The following SMARCA2 variants were observed in gnomAD, a reference collection of about 807,000 sequenced individuals.
SMARCA2 encodes SWI/SNF related BAF chromatin remodeling complex subunit ATPase 2, also known as SWI/SNF-related matrix-associated actin-dependent regulator of chromatin subfamily A member 2.
Under a neutral mutation model 199.8 loss-of-function variants are expected in SMARCA2, and 61 were observed. The ratio of observed to expected loss-of-function variants is 0.31; its 90% CI spans 0.25 to 0.38. SMARCA2 has a LOEUF of 0.38. Ranked by LOEUF, SMARCA2 falls within the 10% of genes least tolerant of loss-of-function variation. The probability of loss-of-function intolerance (pLI) is 1.00; values close to 1 mark genes in which losing one functional copy is unlikely to be tolerated. For synonymous variants in SMARCA2, 935 were observed against 732.0 expected (o/e 1.28, Z -4.48); for missense variants, 1,344 against 2,012.2 (o/e 0.67, Z 6.35).
At chr9:2,189,500 A>AAATGGACATAT in intron 32 of SMARCA2, among the ~76,000 whole-genome samples, 1 of 152,286 alleles carries the variant, frequency 6.6e-6, no homozygotes, top group Non-Finnish European at 1.5e-5. Context: ...ACACCTGTAT[A>AAATGGACATAT]AATGGACATA....
At chr9:2,188,065 T>C (rs1025028244) in intron 32 of SMARCA2, among the ~76,000 whole-genome samples, 3 of 152,222 alleles carry the variant, frequency 2.0e-5, no homozygotes, top group Admixed American at 6.5e-5. Context: ...GACATGCTTT[T>C]AAAAAATTAT....
rs911174993 is a variant in SMARCA2, at chr9:2,169,854, G to A, written c.4200-565G>A. ...TGGTTTATTTTCATTTCCCACTAAA[G>A]ATCATGAATTCAGTGATCTCTCGAA... On this transcript the variant is annotated intron_variant, in intron 28 of 33. Transcript: ENST00000349721. This position sits in a 1 kb window ranked among gnomAD's most constrained non-coding sequence, Gnocchi z 6.5. Among the ~76,000 whole-genome samples, 4 of 152,174 alleles carry A rather than the reference G, an allele frequency of 2.6e-5. No individual in the cohort carries two copies. Among genetic ancestry groups the A allele is most frequent in the Non-Finnish European group, 5.9e-5 (4 of 68,024 alleles).
rs1256064704 is a variant in SMARCA2, at chr9:2,193,001, A to ATG, written c.*265_*266dup. The ATG allele has an allele frequency of 9.0e-6, 4 of 443,430 alleles. No homozygotes were observed. The highest frequency in any genetic ancestry group is 1.6e-5 in the Non-Finnish European group (4 of 251,316). 27.5% of individuals were successfully genotyped at this position (443,430 alleles called of 1,614,324 possible). On this transcript the variant is annotated 3_prime_UTR_variant, in exon 34 of 34. Coordinates refer to ENST00000349721, the MANE Select transcript of SMARCA2 (RefSeq NM_003070.5). ...AAACAAAAAGCTTTTGATGGAAAAT[A>ATG]TGTGGGTGGATAGTATATTTCTATG...
intron 5 of SMARCA2, chr9:2,047,888 CTATGCAGTGATCCAGCCT>C (rs1819942901): frequency 6.5e-6 from 1 of 153,032 alleles, no homozygotes; most frequent in African/African-American, 2.4e-5. Context: ...TCACGTGTGT[CTATGCAGTGATCCAGCCT>C]TATGGGTATA....
At chr9:2,172,379 C>G (rs1369708109) in intron 29 of SMARCA2, among the ~76,000 whole-genome samples, 1 of 150,704 alleles carries the variant, frequency 6.6e-6, no homozygotes, top group Non-Finnish European at 1.5e-5. Flanking sequence ...GAGAGCGCTT[C>G]TAACTGGCTG....
intron 1 of SMARCA2, 65 bp downstream of exon 1, chr9:2,015,469 C>G (rs902445080): frequency 3.3e-5 from 5 of 152,988 alleles, no homozygotes; most frequent in African/African-American, 9.6e-5. Flanking sequence ...CTGCAGCCGC[C>G]GCTCAGACCC....
chr9:2,157,349 G>C (rs573568350), intron 27 of SMARCA2, among the ~76,000 whole-genome samples: 1 of 152,126 alleles, frequency 6.6e-6, no homozygotes, highest in African/African-American at 2.4e-5. Flanking sequence ...TCCCCAGAAA[G>C]CACCAGTATA....
chr9:2,165,900 A>G (rs922152009), intron 28 of SMARCA2, among the ~76,000 whole-genome samples: 9 of 152,182 alleles, frequency 5.9e-5, no homozygotes, highest in African/African-American at 2.2e-4. Flanking sequence ...ACTTCCCACA[A>G]TACAAGTAAG....
chr9:2,072,508 G>T (rs940729839), intron 10 of SMARCA2, among the ~76,000 whole-genome samples: 2 of 148,150 alleles, frequency 1.3e-5, no homozygotes, highest in South Asian at 4.1e-4. Context: ...TTAGACCCCT[G>T]GGGGGTTAGT....
At chr9:2,137,048 T>C (rs1463033794) in intron 27 of SMARCA2, among the ~76,000 whole-genome samples, 1 of 152,162 alleles carries the variant, frequency 6.6e-6, no homozygotes, top group African/African-American at 2.4e-5. Flanking sequence ...ACTCAAGCCT[T>C]CTTAACACCG....
intron 8 of SMARCA2, among the ~76,000 whole-genome samples, chr9:2,060,613 C>T (rs1586660070): frequency 6.6e-6 from 1 of 152,208 alleles, no homozygotes; most frequent in African/African-American, 2.4e-5. Flanking sequence ...GCTGTAAACT[C>T]CAGTGTCCTG....
intron 23 of SMARCA2, among the ~76,000 whole-genome samples, chr9:2,105,410 T>TG (rs1171005511): frequency 2.3e-4 from 30 of 130,576 alleles, no homozygotes; most frequent in African/African-American, 1.1e-3. Flanking sequence ...CACGCCCGGC[T>TG]AATTTTTTTT....
rs369046902 is a variant in SMARCA2 at position 2,186,304 on chromosome 9, AAGAGACTTTAGAGTGGGGC to A, written c.4594+80_4594+98del. 5,524 of 1,470,250 alleles carry A rather than the reference AAGAGACTTTAGAGTGGGGC, an allele frequency of 3.8e-3. 181 individuals are homozygous for A. The African/African-American group carries it at 0.069, about 18-fold the overall frequency. 91.1% of individuals were successfully genotyped at this position (1,470,250 alleles called of 1,614,324 possible). On this transcript the variant is annotated intron_variant, in intron 32 of 33. Coordinates refer to ENST00000349721, the MANE Select transcript of SMARCA2 (RefSeq NM_003070.5). ...TAGCTGTCTCCACAGATGTTCACAG[AAGAGACTTTAGAGTGGGGC>A]AGATCTGGATTGGAGCCCTTATTCC...
intron 27 of SMARCA2, among the ~76,000 whole-genome samples, chr9:2,152,573 C>T (rs950819631): frequency 6.2e-5 from 9 of 144,028 alleles, no homozygotes; most frequent in African/African-American, 1.6e-4. Context: ...AAAATAAGGT[C>T]GGGTGCATTG....
intron 27 of SMARCA2, chr9:2,160,797 T>C: frequency 2.4e-6 from 1 of 417,816 alleles, no homozygotes; most frequent in Non-Finnish European, 4.2e-6. Context: ...CTTTTCTATG[T>C]TCAAATTTTA....
At chr9:2,116,088 G>C (rs1823205517) in intron 25 of SMARCA2, 39 bp downstream of exon 25, 4 of 1,460,192 alleles carry the variant, frequency 2.7e-6, no homozygotes, top group Admixed American at 3.5e-5. Flanking sequence ...ATCAAACAGT[G>C]GCCTTTTGTC....
chr9:2,171,590 A>G (rs1027445963), intron 29 of SMARCA2, among the ~76,000 whole-genome samples: 3 of 152,252 alleles, frequency 2.0e-5, no homozygotes, highest in African/African-American at 7.2e-5. Context: ...TATAATGTCC[A>G]TTGAGAAACG....
chr9:2,104,621 C>G lies in SMARCA2; in HGVS notation c.3292+452C>G, dbSNP rs183773701. Among the ~76,000 whole-genome samples the G allele has an allele frequency of 2.0e-5, 3 of 152,282 alleles. No homozygotes were observed. The East Asian group carries it at 5.8e-4, about 29-fold the overall frequency. ...GATTATATTTATCATTAAAGCCCCT[C>G]TCTTCCTAAATAAGACGTATCCACA... On this transcript the variant is annotated intron_variant, in intron 23 of 33. Coordinates refer to ENST00000349721, the MANE Select transcript of SMARCA2 (RefSeq NM_003070.5). The surrounding 1 kb of genome is among the most constrained non-coding windows in gnomAD (Gnocchi z 4.0).
rs1417879376 is a variant in SMARCA2, at chr9:2,039,794, GCAGCAGCAGCAGCAGCAGCAGCAA to G, written c.692_715del (p.Gln231_Gln238del). The G allele has an allele frequency of 1.2e-5, 19 of 1,525,572 alleles. No individual in the cohort carries two copies. Among genetic ancestry groups the G allele is most frequent in the East Asian group, 2.3e-5 (1 of 44,420 alleles). The allele number at this position is 1,525,572 out of a possible 1,614,324, so 94.5% of individuals were successfully genotyped here. ...AGCAGCAACAGCAGCAGCAGCAGCA[GCAGCAGCAGCAGCAGCAGCAGCAA>G]CAGCAGCCGCAGCAGCAGCCGCCGC... On this transcript the variant is annotated inframe_deletion, in exon 4 of 34. Transcript: ENST00000349721. The surrounding 1 kb of genome is among the most constrained non-coding windows in gnomAD (Gnocchi z 4.8).
Sources: gnomAD v4.1 joint callset for allele counts (sites outside exome capture counted in the v4.1 genomes callset) on GRCh38, gnomAD v4.1.1 for gene constraint, Gnocchi (gnomAD v3.1) non-coding constraint, MANE v1.5 for transcripts, NCBI Gene and HGNC (gene_info 2026-07-23, HGNC 2026-07-21) for gene names.